Variants in CDH12 observed in about 807,000 individuals in gnomAD.
The protein encoded by CDH12 is cadherin-12.
In CDH12, 41 loss-of-function variants were observed where a neutral mutation model predicts 74.1. The ratio of observed to expected loss-of-function variants is 0.55; its 90% CI spans 0.43 to 0.72. The LOEUF (loss-of-function observed/expected upper bound fraction) is 0.72, where lower values mean the gene tolerates loss of function less well. Ranked by LOEUF, CDH12 falls within the 30% of genes least tolerant of loss-of-function variation. CDH12 has a pLI of 0.00. For synonymous variants in CDH12, 399 were observed against 355.0 expected (o/e 1.12, Z -1.39); for missense variants, 945 against 977.2 (o/e 0.97, Z 0.44).
intron 1 of CDH12, among the ~76,000 whole-genome samples, chr5:22,712,981 G>T (rs1743365917): frequency 6.6e-6 from 1 of 151,998 alleles, no homozygotes; most frequent in African/African-American, 2.4e-5. Flanking sequence ...TTTGTAATGA[G>T]CTCTACGATA....
At position 22,549,126 on chromosome 5, in the gene CDH12, G is replaced by GTT. The variant is rs35054448; in HGVS notation, c.-522-43764_-522-43763dup. Among the ~76,000 whole-genome samples the GTT allele has an allele frequency of 9.5e-3, 1,382 of 144,954 alleles. 26 individuals carry two copies. The highest frequency in any genetic ancestry group is 0.033 in the African/African-American group (1,323 of 39,956). On this transcript the variant is annotated intron_variant, in intron 1 of 14. Coordinates refer to ENST00000382254, the MANE Select transcript of CDH12 (RefSeq NM_004061.5). ...GGCCTAGTTTTTTGTTTGTTTATTT[G>GTT]TTTTTTTTTTGTTTTTTTTGTTTTT... is the stretch of plus-strand genomic sequence containing the variant.
intron 1 of CDH12, among the ~76,000 whole-genome samples, chr5:22,645,340 G>A (rs1180015862): frequency 4.6e-5 from 7 of 152,166 alleles, no homozygotes; most frequent in South Asian, 2.1e-4. Context: ...CAAGACTTCC[G>A]TGGAGGAAGT....
chr5:22,297,984 A>G (rs1737703801), intron 3 of CDH12, among the ~76,000 whole-genome samples: 1 of 151,580 alleles, frequency 6.6e-6, no homozygotes, highest in African/African-American at 2.4e-5. Flanking sequence ...TTCAAGACTT[A>G]TATTTATAAA....
intron 6 of CDH12, among the ~76,000 whole-genome samples, chr5:21,970,969 A>T (rs2150119208): frequency 6.6e-6 from 1 of 151,736 alleles, no homozygotes; most frequent in Non-Finnish European, 1.5e-5. Flanking sequence ...GTAAAATAAA[A>T]TAGAGTTGAG....
At chr5:22,572,425 A>T (rs1374412926) in intron 1 of CDH12, among the ~76,000 whole-genome samples, 1 of 152,136 alleles carries the variant, frequency 6.6e-6, no homozygotes, top group Non-Finnish European at 1.5e-5. Flanking sequence ...CAATGAAATT[A>T]CTTATTTTAT....
chr5:22,407,585 CT>C (rs1742992553), intron 2 of CDH12, among the ~76,000 whole-genome samples: 1 of 152,000 alleles, frequency 6.6e-6, no homozygotes, highest in Middle Eastern at 3.4e-3. Flanking sequence ...TCCTTTTTAT[CT>C]TTCCCCATGG....
rs916422311 is a variant in CDH12 at position 21,752,841 on chromosome 5, T to C, written c.1886-605A>G. Reference sequence around the variant, plus strand: ...GGAAGGAGGAAGGAAGGAAGGAAGATGTTAAGGACCTTAGTTTTATAAATC... The same window carrying C: ...GGAAGGAGGAAGGAAGGAAGGAAGACGTTAAGGACCTTAGTTTTATAAATC... On this transcript the variant is annotated intron_variant, in intron 14 of 14. Coordinates refer to ENST00000382254, the MANE Select transcript of CDH12 (RefSeq NM_004061.5). Among the ~76,000 whole-genome samples the C allele has an allele frequency of 5.3e-5, 8 of 151,972 alleles. 1 individual carries two copies. The highest frequency in any genetic ancestry group is 1.2e-4 in the Non-Finnish European group (8 of 67,966).
intron 3 of CDH12, among the ~76,000 whole-genome samples, chr5:22,293,262 G>C (rs968390056): frequency 2.6e-5 from 4 of 152,020 alleles, no homozygotes; most frequent in African/African-American, 9.7e-5. Context: ...CTGAATTAGG[G>C]ATAAAAACCC....
intron 1 of CDH12, among the ~76,000 whole-genome samples, chr5:22,624,398 C>A (rs1738159163): frequency 6.6e-6 from 1 of 152,068 alleles, no homozygotes; most frequent in Admixed American, 6.6e-5. Context: ...AAAATTTTTG[C>A]AATCTACTCA....
chr5:21,778,843 G>A (rs554632234), intron 11 of CDH12, among the ~76,000 whole-genome samples: 1 of 151,986 alleles, frequency 6.6e-6, no homozygotes, highest in African/African-American at 2.4e-5. Context: ...CTGAATTATA[G>A]GTACCAATCT....
chr5:22,534,761 TA>T (rs1164048982), intron 1 of CDH12, among the ~76,000 whole-genome samples: 3 of 151,734 alleles, frequency 2.0e-5, no homozygotes, highest in Non-Finnish European at 4.4e-5. Flanking sequence ...CATTGAAAAC[TA>T]ATGAATCATT....
At chr5:22,696,556 A>G (rs1355602943) in intron 1 of CDH12, among the ~76,000 whole-genome samples, 1 of 152,080 alleles carries the variant, frequency 6.6e-6, no homozygotes, top group East Asian at 1.9e-4. Context: ...TAAAAAGACT[A>G]ATATATATTT....
intron 1 of CDH12, among the ~76,000 whole-genome samples, chr5:22,727,744 G>A (rs903576846): frequency 3.3e-5 from 5 of 151,012 alleles, no homozygotes; most frequent in Non-Finnish European, 7.4e-5. Context: ...TTTTTTAATC[G>A]TTTATTTCAT....
intron 3 of CDH12, among the ~76,000 whole-genome samples, chr5:22,267,410 C>T (rs893908473): frequency 3.3e-5 from 5 of 152,086 alleles, no homozygotes; most frequent in Admixed American, 6.6e-5. Context: ...ATTTGGTTTA[C>T]GTGATTATGA....
At chr5:21,830,419 C>T (rs1458730785) in intron 8 of CDH12, among the ~76,000 whole-genome samples, 2 of 151,804 alleles carry the variant, frequency 1.3e-5, no homozygotes, top group Non-Finnish European at 2.9e-5. Flanking sequence ...ATTGATTTAC[C>T]TAATTCTCCC....
intron 2 of CDH12, 46 bp from the exon 3 acceptor site, chr5:22,405,397 C>G (rs1025258360): frequency 7.3e-6 from 3 of 410,238 alleles, no homozygotes; most frequent in African/African-American, 6.5e-5. Flanking sequence ...GCAAGACTCT[C>G]TGTATTCTGT....
chr5:21,918,362 T>A (rs1005805907), intron 6 of CDH12, among the ~76,000 whole-genome samples: 1 of 152,198 alleles, frequency 6.6e-6, no homozygotes, highest in Admixed American at 6.5e-5. Flanking sequence ...TTCCAAAGCA[T>A]ATTTTTGTCT....
chr5:22,314,941 CTTTTTTTTTT>C (rs759734847), intron 3 of CDH12, among the ~76,000 whole-genome samples: 28 of 67,764 alleles, frequency 4.1e-4, no homozygotes, highest in African/African-American at 1.4e-3. Context: ...CTGGGTTGGT[CTTTTTTTTTT>C]TTTTTTTTTT....
At chr5:21,931,783 A>G (rs534031896) in intron 6 of CDH12, among the ~76,000 whole-genome samples, 5 of 152,220 alleles carry the variant, frequency 3.3e-5, no homozygotes, top group African/African-American at 1.2e-4. Context: ...CCTTTTCTTG[A>G]TTTTGTGTAC....
Sources: allele counts gnomAD v4.1 joint callset (sites outside exome capture counted in the v4.1 genomes callset), GRCh38; gene constraint gnomAD v4.1.1; transcripts MANE v1.5; gene names NCBI Gene and HGNC (gene_info 2026-07-23, HGNC 2026-07-21).